The following PUDP variants were observed in gnomAD, a reference collection of about 807,000 sequenced individuals.
The protein encoded by PUDP is pseudouridine 5'-phosphatase, also known as pseudouridine-5'-phosphatase.
Under a neutral mutation model 9.4 loss-of-function variants are expected in PUDP, and 8 were observed. The observed-to-expected ratio is 0.85, with a 90% confidence interval of 0.50 to 1.53. The LOEUF (loss-of-function observed/expected upper bound fraction) is 1.53. Among genes scored for constraint, PUDP ranks in the 40% most tolerant of loss-of-function variants. PUDP has a pLI of 0.00. For synonymous variants in PUDP, 99 were observed against 80.7 expected (o/e 1.23, Z -1.22); for missense variants, 188 against 189.7 (o/e 0.99, Z 0.05).
At chrX:6,818,367 C>G (rs768642784) in intron 3 of PUDP, among the ~76,000 whole-genome samples, 16 of 112,035 alleles carry the variant, frequency 1.4e-4, no homozygotes, top group Non-Finnish European at 2.6e-4. Flanking sequence ...ATAGTCCTGC[C>G]AAACATCGCA....
chrX:6,888,889 C>T (rs182032690), intron 3 of PUDP, among the ~76,000 whole-genome samples: 37 of 111,460 alleles, frequency 3.3e-4, no homozygotes, highest in Non-Finnish European at 6.2e-4. Context: ...CATCATTTCC[C>T]GGCCAGATCG....
chrX:6,835,276 A>G (rs1926564411), intron 3 of PUDP, among the ~76,000 whole-genome samples: 1 of 110,884 alleles, frequency 9.0e-6, no homozygotes, highest in Non-Finnish European at 1.9e-5. Flanking sequence ...GATAACTCAA[A>G]TGAGCTTGAA....
At chrX:6,949,646 C>T (rs1333092817) in intron 3 of PUDP, among the ~76,000 whole-genome samples, 1 of 112,051 alleles carries the variant, frequency 8.9e-6, no homozygotes, top group Non-Finnish European at 1.9e-5. Flanking sequence ...TTTTCATTAC[C>T]CTTATGTTAA....
rs200232288 is a variant in PUDP at position 6,759,929 on chromosome X, C to T, written c.*248-53463G>A. ...TCTGCATGCCCTCGATATCATGGCACCCTAGCTGTCAATTCAGAGGGAAGT... is the reference window on the plus strand; with the variant it reads ...TCTGCATGCCCTCGATATCATGGCATCCTAGCTGTCAATTCAGAGGGAAGT... On this transcript the variant is annotated intron_variant and NMD_transcript_variant, in intron 3 of 3. Coordinates refer to the PUDP transcript ENST00000655425. Among the ~76,000 whole-genome samples, 23 of 107,996 alleles carry T rather than the reference C, an allele frequency of 2.1e-4. 1 individual carries two copies. The East Asian group carries it at 5.6e-3, about 27-fold the overall frequency. The allele number at this position is 107,996 out of a possible 115,157, so 93.8% of individuals were successfully genotyped here. A position where few individuals can be genotyped will look rare whatever the true frequency, so the allele number is the denominator to read the frequency against.
At chrX:6,880,103 GT>G (rs200649633) in intron 3 of PUDP, among the ~76,000 whole-genome samples, 115 of 103,866 alleles carry the variant, frequency 1.1e-3, no homozygotes, top group African/African-American at 1.7e-3. Context: ...AATCGTTAAG[GT>G]TTTTTTTTTT....
At position 7,049,385 on chromosome X, in the gene PUDP, T is replaced by C. The variant is rs1278461872; in HGVS notation, c.*911A>G. On this transcript the variant is annotated 3_prime_UTR_variant, in exon 4 of 4. Transcript: ENST00000381077. ...CCTGGGCACTGAGACTCACCAAGCA[T>C]ACATTCTGAAATCAAATTCTATTTC... 1 of 112,828 alleles carries C rather than the reference T, an allele frequency of 8.9e-6. No homozygotes were observed. The highest frequency in any genetic ancestry group is 9.4e-5 in the Admixed American group (1 of 10,623). The allele number at this position is 112,828 out of a possible 1,213,427, so 9.3% of individuals were successfully genotyped here.
chrX:6,900,891 C>A (rs1927674947), intron 3 of PUDP, among the ~76,000 whole-genome samples: 1 of 110,149 alleles, frequency 9.1e-6, no homozygotes, highest in South Asian at 3.9e-4. Flanking sequence ...AATTCTCCTG[C>A]CTCAGCCTCC....
chrX:6,835,376 G>C (rs144681431), intron 3 of PUDP, among the ~76,000 whole-genome samples: 1 of 111,282 alleles, frequency 9.0e-6, no homozygotes, highest in Non-Finnish European at 1.9e-5. Flanking sequence ...AAAGGACACA[G>C]CAACGTCATA....
chrX:7,122,766 A>C (rs1186030721), intron 1 of PUDP, among the ~76,000 whole-genome samples: 2 of 112,040 alleles, frequency 1.8e-5, no homozygotes. Flanking sequence ...CTCTGAACAG[A>C]CCTTCTCCCC....
At chrX:6,872,696 T>TAAAAAAAAAAAAAAAAAAAAAAA (rs199625491) in intron 3 of PUDP, among the ~76,000 whole-genome samples, 1 of 63,852 alleles carries the variant, frequency 1.6e-5, no homozygotes, top group Non-Finnish European at 3.0e-5. Context: ...AAGATTCCAT[T>TAAAAAAAAAAAAAAAAAAAAAAA]AAAAAAAAAA....
intron 1 of PUDP, among the ~76,000 whole-genome samples, chrX:7,128,443 G>C (rs1412376565): frequency 8.9e-6 from 1 of 112,049 alleles, no homozygotes; most frequent in Non-Finnish European, 1.9e-5. Flanking sequence ...TAGAATTAAA[G>C]GGTAGTGGTG....
chrX:6,748,408 G>A (rs908849384), intron 3 of PUDP, among the ~76,000 whole-genome samples: 3 of 111,762 alleles, frequency 2.7e-5, no homozygotes, highest in Non-Finnish European at 3.8e-5. Context: ...CAGATCCAAC[G>A]TACTCAATTC....
intron 2 of PUDP, among the ~76,000 whole-genome samples, chrX:7,089,451 T>C (rs1931361351): frequency 9.0e-6 from 1 of 111,051 alleles, no homozygotes; most frequent in South Asian, 3.8e-4. Flanking sequence ...TATAAACCTG[T>C]TTTCTGCCCC....
intron 3 of PUDP, among the ~76,000 whole-genome samples, chrX:6,855,285 C>A (rs1410097837): frequency 8.9e-6 from 1 of 112,056 alleles, no homozygotes; most frequent in Non-Finnish European, 1.9e-5. Flanking sequence ...ATATAGTACA[C>A]ATAATTTATA....
chrX:7,061,597 C>A (rs1290499869), intron 3 of PUDP, among the ~76,000 whole-genome samples: 1 of 104,714 alleles, frequency 9.5e-6, no homozygotes, highest in Non-Finnish European at 2.0e-5. Flanking sequence ...CCCACCCCCG[C>A]TGCCTGGAAG....
At chrX:6,908,707 G>A (rs1927804617) in intron 3 of PUDP, among the ~76,000 whole-genome samples, 1 of 107,532 alleles carries the variant, frequency 9.3e-6, no homozygotes, top group African/African-American at 3.4e-5. Context: ...AGTAAAGAGA[G>A]GCTTAGCATG....
intron 1 of PUDP, among the ~76,000 whole-genome samples, chrX:6,984,343 C>T (rs1412410131): frequency 9.0e-6 from 1 of 111,721 alleles, no homozygotes; most frequent in African/African-American, 3.3e-5. Flanking sequence ...CTGATGTTTG[C>T]CCAAACCTGT....
chrX:6,890,151 G>A (rs148880300), intron 3 of PUDP, among the ~76,000 whole-genome samples: 225 of 111,804 alleles, frequency 2.0e-3, no homozygotes, highest in African/African-American at 6.5e-3. Context: ...ATATTCTGCC[G>A]GGCATTGACC....
chrX:7,014,698 T>C (rs148233352), intron 1 of PUDP, among the ~76,000 whole-genome samples: 4,578 of 111,766 alleles, frequency 0.041, 256 homozygotes, highest in African/African-American at 0.14. Flanking sequence ...TATTAATCTC[T>C]GTCCCTAAAA....
Sources: gnomAD v4.1 joint callset for allele counts (sites outside exome capture counted in the v4.1 genomes callset) on GRCh38, gnomAD v4.1.1 for gene constraint, MANE v1.5 for transcripts, NCBI Gene and HGNC (gene_info 2026-07-23, HGNC 2026-07-21) for gene names.